DSEL: variants seen among roughly 807,000 people sequenced by gnomAD.
The protein encoded by DSEL is dermatan-sulfate epimerase-like protein.
Under a neutral mutation model 96.6 loss-of-function variants are expected in DSEL, and 61 were observed. That is an observed-to-expected ratio of 0.63 (90% CI 0.51 to 0.78). The LOEUF is 0.78. DSEL is among the 30% of genes least tolerant of loss of function. The pLI is 0.00. For missense variants in DSEL, 1,320 were observed against 1,430.8 expected (o/e 0.92, Z 1.25); for synonymous variants, 514 against 502.0 (o/e 1.02, Z -0.32).
rs1394289200 is a variant in DSEL, at chr18:67,507,552, A to T, written c.*3418T>A. ...AAAATTGTGATATACTTTGTATACC[A>T]AGAATGCCAAAGATACTTGGTGATG... On this transcript the variant is annotated 3_prime_UTR_variant, in exon 2 of 2. Transcript: ENST00000310045. 1 of 152,180 alleles carries T rather than the reference A, an allele frequency of 6.6e-6. No individual in the cohort carries two copies. The highest frequency in any genetic ancestry group is 1.5e-5 in the Non-Finnish European group (1 of 68,044). The allele number at this position is 152,180 out of a possible 1,614,324, so 9.4% of individuals were successfully genotyped here.
chr18:67,511,783 G>T lies in DSEL; in HGVS notation c.2826C>A (p.Pro942=). Residue 942 remains proline, a synonymous_variant, in exon 2 of 2, where the codon CCC becomes CCA. Transcript: ENST00000310045. ...AATATTGGGCCAGTTTACCCCTATT[G>T]GGTTCATGCAGATGGATGTTTTGCA... is the stretch of plus-strand genomic sequence containing the variant. ...LHLQNIHLHE[P]NRGKLAQYFA... is the part of the protein sequence containing the mutation. 6.2e-7 allele frequency: 1 copy of T among 1,614,020 alleles called. No homozygotes were observed. The highest frequency in any genetic ancestry group is 1.3e-5 in the African/African-American group (1 of 74,976).
Position 67,511,559 on chromosome 18 carries a change from T to G in DSEL, c.3050A>C (p.Gln1017Pro), listed in dbSNP as rs2089442494. The change falls in exon 2 of 2, where the codon CAG becomes CCG. Residue 1017 changes from glutamine (Q) to proline (P), a missense_variant. Gln to Pro is a moderately conservative substitution (Grantham distance 76). Transcript: ENST00000310045. ...GSWTLKLHFF[Q>P]EVLGASMRAL... ...CCTCATCGAAGCTCCTAAAACTTCC[T>G]GAAAAAAATGAAGCTTTAACGTCCA... 6 of 1,612,320 alleles carry G rather than the reference T, an allele frequency of 3.7e-6. No homozygotes were observed. The highest frequency in any genetic ancestry group is 2.2e-5 in the South Asian group (2 of 90,632).
Position 67,512,938 on chromosome 18 carries a change from C to A in DSEL, c.1671G>T (p.Val557=). The part of the protein sequence containing the change: ...GEMVFVSGEA[V]SAYSSAMRLK... The stretch of plus-strand genomic sequence containing the variant: ...GTCTCATTGCTGAAGAATAAGCAGA[C>A]ACGGCTTCCCCACTCACAAATACCA... Residue 557 remains valine, a synonymous_variant, in exon 2 of 2, where the codon GTG becomes GTT. Coordinates refer to ENST00000310045, the MANE Select transcript of DSEL (RefSeq NM_032160.3). The A allele has an allele frequency of 6.2e-7, 1 of 1,614,172 alleles. No individual in the cohort carries two copies. The highest frequency in any genetic ancestry group is 8.5e-7 in the Non-Finnish European group (1 of 1,180,040).
rs974123634 is a variant in DSEL at position 67,509,327 on chromosome 18, G to C, written c.*1643C>G. The C allele has an allele frequency of 1.3e-5, 2 of 152,192 alleles. No individual in the cohort carries two copies. Among genetic ancestry groups the C allele is most frequent in the African/African-American group, 4.8e-5 (2 of 41,434 alleles). The allele number at this position is 152,192 out of a possible 1,614,324, so 9.4% of individuals were successfully genotyped here. ...ATTTTATATGCTTGCCGGTAACTCTGAGATAGAATGAATAATCTTTCTTGA... is the reference window on the plus strand; with the variant it reads ...ATTTTATATGCTTGCCGGTAACTCTCAGATAGAATGAATAATCTTTCTTGA... On this transcript the variant is annotated 3_prime_UTR_variant, in exon 2 of 2. Coordinates refer to ENST00000310045, the MANE Select transcript of DSEL (RefSeq NM_032160.3).
Position 67,511,683 on chromosome 18 carries a change from C to G in DSEL, c.2926G>C (p.Gly976Arg). 1.2e-6 allele frequency: 2 copies of G among 1,614,136 alleles called. No homozygotes were observed. The highest frequency in any genetic ancestry group is 2.7e-5 in the African/African-American group (2 of 75,060). The change falls in exon 2 of 2, where the codon GGC becomes CGC. Residue 976 changes from glycine (G) to arginine (R), a missense_variant. Transcript: ENST00000310045. ...SLPEQRSQMK[G>R]AFDRDAEYIR... ...TATTCAGCATCTCTATCAAAGGCGC[C>G]TTTCATTTGACTTCTTTGTTCTGGC...
chr18:67,507,384 A>G lies in DSEL; in HGVS notation c.*3586T>C, dbSNP rs995571134. On this transcript the variant is annotated 3_prime_UTR_variant, in exon 2 of 2. Coordinates refer to ENST00000310045, the MANE Select transcript of DSEL (RefSeq NM_032160.3). ...AAAAAAAAAAAAAAGAATGTTAGGT[A>G]TCCTTACCTTTGGAAGTGGTGTTAT... 6.0e-5 allele frequency: 9 copies of G among 148,828 alleles called. No individual in the cohort carries two copies. In the East Asian group the frequency reaches 1.8e-3, roughly 29 times the overall value. The allele number at this position is 148,828 out of a possible 1,614,324, so 9.2% of individuals were successfully genotyped here. A position where few individuals can be genotyped will look rare whatever the true frequency, so the allele number is the denominator to read the frequency against.
Position 67,515,404 on chromosome 18 carries a change from C to G in DSEL, c.-796G>C, listed in dbSNP as rs1212085595. On this transcript the variant is annotated 5_prime_UTR_variant, in exon 2 of 2. Coordinates refer to ENST00000310045, the MANE Select transcript of DSEL (RefSeq NM_032160.3). ...TTCAGTCACCTAGATACTTCTCGTC[C>G]GATCATGAAGTAACCGCCAACGGGG... 3 of 167,022 alleles carry G rather than the reference C, an allele frequency of 1.8e-5. No homozygotes were observed. Among genetic ancestry groups the G allele is most frequent in the Admixed American group, 6.5e-5 (1 of 15,276 alleles). 10.3% of individuals were successfully genotyped at this position (167,022 alleles called of 1,614,324 possible). A position where few individuals can be genotyped will look rare whatever the true frequency, so the allele number is the denominator to read the frequency against.
At position 67,507,374 on chromosome 18, in the gene DSEL, A is replaced by T. The variant is rs899912197; in HGVS notation, c.*3596T>A. 5 of 137,280 alleles carry T rather than the reference A, an allele frequency of 3.6e-5. No individual in the cohort carries two copies. Among genetic ancestry groups the T allele is most frequent in the Admixed American group, 2.2e-4 (3 of 13,810 alleles). The allele number at this position is 137,280 out of a possible 1,614,324, so 8.5% of individuals were successfully genotyped here. A position where few individuals can be genotyped will look rare whatever the true frequency, so the allele number is the denominator to read the frequency against. On this transcript the variant is annotated 3_prime_UTR_variant, in exon 2 of 2. Transcript: ENST00000310045. ...AAAAAAAAAAAAAAAAAAAAAAAAG[A>T]ATGTTAGGTATCCTTACCTTTGGAA...
Position 67,512,288 on chromosome 18 carries a change from A to G in DSEL, c.2321T>C (p.Ile774Thr). 8.7e-6 allele frequency: 14 copies of G among 1,614,066 alleles called. No homozygotes were observed. Among genetic ancestry groups the G allele is most frequent in the Non-Finnish European group, 1.1e-5 (13 of 1,179,940 alleles). The part of the protein sequence containing the change: ...IIFPFGFKFN[I>T]AVGLILCISL... ...AATGCACAAAATTAATCCAACTGCT[A>G]TATTAAATTTAAATCCAAAGGGGAA... The change falls in exon 2 of 2, where the codon ATA (isoleucine) becomes ACA (threonine). Residue 774 changes from isoleucine to threonine, a missense_variant. Transcript: ENST00000310045.
Position 67,513,890 on chromosome 18 carries a change from C to G in DSEL, c.719G>C (p.Gly240Ala), listed in dbSNP as rs375133824. ...ATTTGCTTTAGATCCTTTATCTACT[C>G]CAGTCACCAAGGCCCCTGTGAGTAA... ...IALLTGALVTGVDKGSKANIW... is the reference protein window; with the variant it reads ...IALLTGALVTAVDKGSKANIW... The change falls in exon 2 of 2, where the codon GGA becomes GCA. Residue 240 changes from glycine (G) to alanine (A), a missense_variant. Physicochemically the swap from Gly to Ala is moderately conservative, Grantham distance 60 (BLOSUM62 0). Around this residue, in one of 3 missense-constraint regions of DSEL, gnomAD observed 323 missense variants for 333.1 expected, o/e 0.97. Transcript: ENST00000310045. 29 of 1,614,062 alleles carry G rather than the reference C, an allele frequency of 1.8e-5. No homozygotes were observed. Among genetic ancestry groups the G allele is most frequent in the Non-Finnish European group, 2.5e-5 (29 of 1,180,046 alleles).
At position 67,508,189 on chromosome 18, in the gene DSEL, C is replaced by G. The variant is rs2089420789; in HGVS notation, c.*2781G>C. Reference sequence around the variant, plus strand: ...GAAGTATCAGATAGTGATAATCCCTCTTTTAATTATTTCAAAGAACAAAAA... The same window carrying G: ...GAAGTATCAGATAGTGATAATCCCTGTTTTAATTATTTCAAAGAACAAAAA... On this transcript the variant is annotated 3_prime_UTR_variant, in exon 2 of 2. Transcript: ENST00000310045. The G allele has an allele frequency of 6.6e-6, 1 of 152,124 alleles. No homozygotes were observed. Among genetic ancestry groups the G allele is most frequent in the Admixed American group, 6.5e-5 (1 of 15,272 alleles). The allele number at this position is 152,124 out of a possible 1,614,324, so 9.4% of individuals were successfully genotyped here.
At position 67,511,236 on chromosome 18, in the gene DSEL, C is replaced by G. The variant is rs1252367642; in HGVS notation, c.3373G>C (p.Val1125Leu). Reference sequence around the variant, plus strand: ...AAATGCACAATATCTTCAAACTTGACCAGCTGGTAGCTAGTAGGCAGCAAA... The same window carrying G: ...AAATGCACAATATCTTCAAACTTGAGCAGCTGGTAGCTAGTAGGCAGCAAA... Reference protein sequence around the residue: ...TDLLPTSYQLVKFEDIVHFPQ... With the variant: ...TDLLPTSYQLLKFEDIVHFPQ... Residue 1125 changes from valine (V) to leucine (L), a missense_variant, in exon 2 of 2, where the codon GTC becomes CTC. Around this residue, in one of 3 missense-constraint regions of DSEL, gnomAD observed 986 missense variants for 1,066.4 expected, o/e 0.92. Coordinates refer to ENST00000310045, the MANE Select transcript of DSEL (RefSeq NM_032160.3). The G allele has an allele frequency of 1.1e-5, 17 of 1,613,382 alleles. No individual in the cohort carries two copies. The highest frequency in any genetic ancestry group is 1.4e-5 in the Non-Finnish European group (17 of 1,180,024).
Position 67,512,415 on chromosome 18 carries a change from C to T in DSEL, c.2194G>A (p.Gly732Arg), listed in dbSNP as rs1320191806. ...HNLKTRFNYL[G>R]FGGFASVADQ... Reference sequence around the variant, plus strand: ...GCCACACTGGCAAAGCCACCGAATCCCAGATAATTGAATCTTGTCTTCAGG... The same window carrying T: ...GCCACACTGGCAAAGCCACCGAATCTCAGATAATTGAATCTTGTCTTCAGG... The change falls in exon 2 of 2, where the codon GGA (glycine) becomes AGA (arginine). Residue 732 changes from glycine (G) to arginine (R), a missense_variant. This residue lies in a region of DSEL where 986 missense variants were observed against 1,066.4 expected (regional missense o/e 0.92). Coordinates refer to ENST00000310045, the MANE Select transcript of DSEL (RefSeq NM_032160.3). 2 of 1,613,990 alleles carry T rather than the reference C, an allele frequency of 1.2e-6. No individual in the cohort carries two copies. The highest frequency in any genetic ancestry group is 1.7e-6 in the Non-Finnish European group (2 of 1,180,034).
rs1042235375 is a variant in DSEL, at chr18:67,514,975, T to TA, written c.-368dup. 9 of 250,298 alleles carry TA rather than the reference T, an allele frequency of 3.6e-5. No homozygotes were observed. Among genetic ancestry groups the TA allele is most frequent in the African/African-American group, 1.3e-4 (6 of 44,462 alleles). 15.5% of individuals were successfully genotyped at this position (250,298 alleles called of 1,614,324 possible). A position where few individuals can be genotyped will look rare whatever the true frequency, so the allele number is the denominator to read the frequency against. On this transcript the variant is annotated 5_prime_UTR_variant, in exon 2 of 2. The change abolishes the stop of an existing upstream ORF in the 5' untranslated region. Transcript: ENST00000310045. ...ACACAAAGAGTTGGAACACACATTG[T>TA]AAAAAAAGAGAAAAAGCACTCCAAA...
At position 67,514,291 on chromosome 18, in the gene DSEL, A is replaced by C. The variant is rs758572635; in HGVS notation, c.318T>G (p.Pro106=). 1.9e-5 allele frequency: 31 copies of C among 1,614,074 alleles called. No homozygotes were observed. Among genetic ancestry groups the C allele is most frequent in the Admixed American group, 1.7e-5 (1 of 60,004 alleles). Residue 106 remains proline, a synonymous_variant, in exon 2 of 2, where the codon CCT becomes CCG. Transcript: ENST00000310045. The stretch of plus-strand genomic sequence containing the variant: ...CAGCAAAATCAGCATGCTTTGGTGG[A>C]GGTAGGTAGTATGTTGGGTTGGACA... ...VMLSNPTYYL[P]PPKHADFAAK...
In DSEL at chr18:67,514,839, A is replaced by C. The variant is rs2089466694; in HGVS notation, c.-231T>G. 2.0e-6 allele frequency: 1 copy of C among 511,310 alleles called. No individual in the cohort carries two copies. Among genetic ancestry groups the C allele is most frequent in the Admixed American group, 3.7e-5 (1 of 27,060 alleles). 31.7% of individuals were successfully genotyped at this position (511,310 alleles called of 1,614,324 possible). On this transcript the variant is annotated 5_prime_UTR_variant, in exon 2 of 2. An upstream open reading frame in the 5' UTR gains an earlier in-frame stop. Coordinates refer to ENST00000310045, the MANE Select transcript of DSEL (RefSeq NM_032160.3). ...TCCCTGGCACAGTTTTGCTTCCAGT[A>C]AAACTTTGAATAACGTTAAAATCTC...
Position 67,507,963 on chromosome 18 carries a change from T to C in DSEL, c.*3007A>G, listed in dbSNP as rs755363157. 2.0e-5 allele frequency: 3 copies of C among 152,192 alleles called. No homozygotes were observed. Among genetic ancestry groups the C allele is most frequent in the Non-Finnish European group, 2.9e-5 (2 of 68,026 alleles). 9.4% of individuals were successfully genotyped at this position (152,192 alleles called of 1,614,324 possible). ...TTTCATCTTGAGTAAATCTATGTTGTTTGAAAATTTAAAAAGCCAATTATC... is the reference window on the plus strand; with the variant it reads ...TTTCATCTTGAGTAAATCTATGTTGCTTGAAAATTTAAAAAGCCAATTATC... On this transcript the variant is annotated 3_prime_UTR_variant, in exon 2 of 2. Transcript: ENST00000310045.
In DSEL at chr18:67,510,736, T is replaced by G; in HGVS notation, c.*234A>C. The G allele has an allele frequency of 2.1e-6, 1 of 480,158 alleles. No homozygotes were observed. Among genetic ancestry groups the G allele is most frequent in the South Asian group, 4.2e-5 (1 of 23,858 alleles). 29.7% of individuals were successfully genotyped at this position (480,158 alleles called of 1,614,324 possible). ...CTACCACTCTGTAGCAGAAACTTTT[T>G]AGCAGACAAAATTTTCAGAAACAAA... On this transcript the variant is annotated 3_prime_UTR_variant, in exon 2 of 2. Transcript: ENST00000310045.
In DSEL at chr18:67,507,694, A is replaced by AG. The variant is rs1251773062; in HGVS notation, c.*3275dup. ...AGACCTGGGAATTTTGATACAAGGA[A>AG]GGATTGTCCCATTCTTGTCAGGCAT... On this transcript the variant is annotated 3_prime_UTR_variant, in exon 2 of 2. Coordinates refer to ENST00000310045, the MANE Select transcript of DSEL (RefSeq NM_032160.3). 1 of 152,230 alleles carries AG rather than the reference A, an allele frequency of 6.6e-6. No homozygotes were observed. The highest frequency in any genetic ancestry group is 2.4e-5 in the African/African-American group (1 of 41,460). 9.4% of individuals were successfully genotyped at this position (152,230 alleles called of 1,614,324 possible). A position where few individuals can be genotyped will look rare whatever the true frequency, so the allele number is the denominator to read the frequency against.
Sources: allele counts gnomAD v4.1 joint callset, GRCh38; gene constraint gnomAD v4.1.1; regional missense constraint gnomAD v4.1.1; transcripts MANE v1.5; gene names NCBI Gene and HGNC (gene_info 2026-07-23, HGNC 2026-07-21).